GRM5: variants seen among roughly 807,000 people sequenced by gnomAD.
GRM5 encodes metabotropic glutamate receptor 5.
Under a neutral mutation model 83.1 loss-of-function variants are expected in GRM5, and 19 were observed. The observed-to-expected ratio is 0.23, with a 90% CI of 0.16 to 0.34. The LOEUF (loss-of-function observed/expected upper bound fraction) is 0.34, where lower values mean the gene tolerates loss of function less well. Ranked by LOEUF, GRM5 falls within the 10% of genes least tolerant of loss-of-function variation. The probability of loss-of-function intolerance (pLI) is 1.00; values close to 1 mark genes in which losing one functional copy is unlikely to be tolerated. For missense variants in GRM5, 1,160 were observed against 1,588.3 expected (o/e 0.73, Z 4.58); for synonymous variants, 675 against 633.6 (o/e 1.07, Z -0.98).
intron 2 of GRM5, among the ~76,000 whole-genome samples, chr11:89,005,402 A>C (rs1416842146): frequency 6.6e-6 from 1 of 152,192 alleles, no homozygotes; most frequent in Non-Finnish European, 1.5e-5. Context: ...GGCTTGGAGA[A>C]AATATCCAAT....
intron 3 of GRM5, among the ~76,000 whole-genome samples, chr11:88,679,687 C>A (rs1940428159): frequency 6.6e-6 from 1 of 152,032 alleles, no homozygotes; most frequent in Admixed American, 6.6e-5. Flanking sequence ...TGAGAGGAAG[C>A]TAGATTGAAT....
intron 3 of GRM5, among the ~76,000 whole-genome samples, chr11:88,747,831 T>C (rs1223564804): frequency 2.0e-5 from 3 of 152,026 alleles, no homozygotes; most frequent in African/African-American, 4.8e-5. Context: ...TATTTTTTAT[T>C]AAAATCAATT....
At chr11:88,573,350 T>C (rs951136193) in intron 7 of GRM5, among the ~76,000 whole-genome samples, 18 of 152,176 alleles carry the variant, frequency 1.2e-4, no homozygotes, top group Non-Finnish European at 2.2e-4. Context: ...CTGGTACTCA[T>C]GCTTAGATTG....
intron 2 of GRM5, among the ~76,000 whole-genome samples, chr11:88,924,224 C>T (rs544135122): frequency 5.6e-5 from 8 of 142,152 alleles, no homozygotes; most frequent in Non-Finnish European, 1.2e-4. Context: ...TAAATTGGTA[C>T]AACCATTTTG....
chr11:88,648,952 ATTCT>A (rs1939546186), intron 4 of GRM5, among the ~76,000 whole-genome samples: 1 of 148,242 alleles, frequency 6.7e-6, no homozygotes, highest in African/African-American at 2.6e-5. Flanking sequence ...GCAATTCTTT[ATTCT>A]ACAGGCTTAA....
intron 3 of GRM5, among the ~76,000 whole-genome samples, chr11:88,685,179 G>A (rs190966442): frequency 1.3e-5 from 2 of 152,284 alleles, no homozygotes; most frequent in East Asian, 3.9e-4. Context: ...TCCAGGCTGA[G>A]GGGTTCTCAG....
At chr11:88,533,001 T>A (rs1281853238) in intron 8 of GRM5, among the ~76,000 whole-genome samples, 1 of 152,192 alleles carries the variant, frequency 6.6e-6, no homozygotes, top group African/African-American at 2.4e-5. Context: ...TCAAACTGGT[T>A]CTGCTTTGTC....
chr11:88,604,310 C>T (rs1938081025), intron 5 of GRM5, among the ~76,000 whole-genome samples: 1 of 152,140 alleles, frequency 6.6e-6, no homozygotes, highest in Non-Finnish European at 1.5e-5. Context: ...AGAACAGAAC[C>T]TCAGCCCTAT....
intron 3 of GRM5, among the ~76,000 whole-genome samples, chr11:88,707,980 T>C (rs896237065): frequency 1.2e-4 from 18 of 152,088 alleles, no homozygotes; most frequent in African/African-American, 3.4e-4. Flanking sequence ...TTTATCACCT[T>C]CATGGATTTT....
rs749638666 is a variant in GRM5, at chr11:88,767,996, G to A, written c.911+81910C>T. 1.4e-3 allele frequency among the ~76,000 whole-genome samples: 215 copies of A among 151,898 alleles called. 4 individuals are homozygous for A. The highest frequency in any genetic ancestry group is 1.7e-3 in the Admixed American group (26 of 15,192). On this transcript the variant is annotated intron_variant, in intron 3 of 9. Coordinates refer to ENST00000305447, the MANE Select transcript of GRM5 (RefSeq NM_001143831.3). ...GAACCCTCGTATGCTGTTTATAGAA[G>A]TATAAAACAGTATAGCTGCTGTGGC...
chr11:88,939,302 T>C (rs80199687), intron 2 of GRM5, among the ~76,000 whole-genome samples: 16,697 of 151,822 alleles, frequency 0.11, 1,511 homozygotes, highest in East Asian at 0.26. Flanking sequence ...ATAATACTTT[T>C]ATAATGCAAA....
chr11:88,653,036 G>A, intron 4 of GRM5, 132 bp downstream of exon 4: 2 of 620,090 alleles, frequency 3.2e-6, no homozygotes, highest in Non-Finnish European at 5.8e-6. Context: ...ATCACCATAA[G>A]TGGCAATATC....
chr11:88,782,616 T>A (rs888984655), intron 3 of GRM5, among the ~76,000 whole-genome samples: 1 of 152,130 alleles, frequency 6.6e-6, no homozygotes, highest in Non-Finnish European at 1.5e-5. Flanking sequence ...AACTTCCATA[T>A]CACCTTATAT....
chr11:88,811,895 G>A (rs1943594849), intron 3 of GRM5, among the ~76,000 whole-genome samples: 1 of 152,032 alleles, frequency 6.6e-6, no homozygotes, highest in African/African-American at 2.4e-5. Flanking sequence ...ACCTATCAGT[G>A]ATAACAGCCA....
intron 2 of GRM5, among the ~76,000 whole-genome samples, chr11:88,906,494 G>A (rs1389857165): frequency 1.3e-5 from 2 of 152,058 alleles, no homozygotes. Context: ...AAAAGCCCTG[G>A]ATTATTTTTG....
chr11:88,691,793 A>G (rs1940786834), intron 3 of GRM5, among the ~76,000 whole-genome samples: 1 of 152,178 alleles, frequency 6.6e-6, no homozygotes, highest in Admixed American at 6.5e-5. Context: ...CTATCATAAA[A>G]ATCTCTTAAA....
chr11:88,753,493 C>A (rs1343801149), intron 3 of GRM5, among the ~76,000 whole-genome samples: 1 of 151,838 alleles, frequency 6.6e-6, no homozygotes, highest in Non-Finnish European at 1.5e-5. Flanking sequence ...ATTAGTTCAA[C>A]CATTGTGGAA....
At chr11:88,555,933 T>A (rs1942616074) in intron 8 of GRM5, among the ~76,000 whole-genome samples, 1 of 152,136 alleles carries the variant, frequency 6.6e-6, no homozygotes, top group South Asian at 2.1e-4. Context: ...AAAACTCATA[T>A]TTTTTATGAA....
At chr11:88,791,968 T>C (rs1333152917) in intron 3 of GRM5, among the ~76,000 whole-genome samples, 1 of 152,130 alleles carries the variant, frequency 6.6e-6, no homozygotes, top group Non-Finnish European at 1.5e-5. Flanking sequence ...TTTATGGCAT[T>C]GATCAGTGTA....
Sources: allele counts gnomAD v4.1 joint callset (sites outside exome capture counted in the v4.1 genomes callset), GRCh38; gene constraint gnomAD v4.1.1; transcripts MANE v1.5; gene names NCBI Gene and HGNC (gene_info 2026-07-23, HGNC 2026-07-21).